Variants in VAV3 observed in about 807,000 individuals in gnomAD.
The protein encoded by VAV3 is guanine nucleotide exchange factor VAV3.
A neutral mutation model predicts 131.2 loss-of-function variants in VAV3; 94 were observed. That is an observed-to-expected ratio of 0.72 (90% CI 0.61 to 0.85). The LOEUF is 0.85. Ranked by LOEUF, VAV3 falls within the 40% of genes least tolerant of loss-of-function variation. The pLI is 0.00. For synonymous variants in VAV3, 349 were observed against 342.0 expected, an observed-to-expected ratio of 1.02 and a Z score of -0.22; for missense variants, 939 against 1,002.7, an observed-to-expected ratio of 0.94 and a Z score of 0.86.
intron 19 of VAV3, among the ~76,000 whole-genome samples, chr1:107,658,689 C>T (rs1656771980): frequency 6.6e-6 from 1 of 152,134 alleles, no homozygotes; most frequent in Non-Finnish European, 1.5e-5. Context: ...TTGTATTTCT[C>T]TGATGGCCAG....
rs1675358390 is a variant in VAV3, at chr1:107,964,907, C to A, written c.-38G>T. Reference sequence around the variant, plus strand: ...CGGGACGCGGCTGGGCCGGGGCGGGCGGCAAGGATGCGGCCGCCGCCGCCG... The same window carrying A: ...CGGGACGCGGCTGGGCCGGGGCGGGAGGCAAGGATGCGGCCGCCGCCGCCG... On this transcript the variant is annotated 5_prime_UTR_variant, in exon 1 of 27. Coordinates refer to ENST00000370056, the MANE Select transcript of VAV3 (RefSeq NM_006113.5). 8 of 1,299,060 alleles carry A rather than the reference C, an allele frequency of 6.2e-6. No individual in the cohort carries two copies. The highest frequency in any genetic ancestry group is 7.9e-6 in the Non-Finnish European group (8 of 1,016,804). 80.5% of individuals were successfully genotyped at this position (1,299,060 alleles called of 1,614,324 possible). A position where few individuals can be genotyped will look rare whatever the true frequency, so the allele number is the denominator to read the frequency against.
At chr1:107,595,224 ATT>A (rs1426314881) in intron 25 of VAV3, among the ~76,000 whole-genome samples, 2 of 152,158 alleles carry the variant, frequency 1.3e-5, no homozygotes, top group African/African-American at 4.8e-5. Flanking sequence ...GAAAACATAT[ATT>A]AAGTTACTTA....
At chr1:107,676,437 G>A (rs1039635273) in intron 19 of VAV3, among the ~76,000 whole-genome samples, 2 of 152,198 alleles carry the variant, frequency 1.3e-5, no homozygotes, top group Non-Finnish European at 1.5e-5. Flanking sequence ...GCCTCCACAT[G>A]AGAAAAACCT....
At chr1:107,806,100 T>C (rs745692965) in intron 2 of VAV3, among the ~76,000 whole-genome samples, 57 of 152,214 alleles carry the variant, frequency 3.7e-4, no homozygotes, top group Admixed American at 1.6e-3. Context: ...ATGGTAGCCC[T>C]GCCTCTGCCT....
At chr1:107,723,038 CTA>C (rs1433615686) in intron 15 of VAV3, among the ~76,000 whole-genome samples, 4 of 152,118 alleles carry the variant, frequency 2.6e-5, no homozygotes, top group African/African-American at 4.8e-5. Context: ...TTTGGCTCCA[CTA>C]TAGACTTCGT....
intron 19 of VAV3, among the ~76,000 whole-genome samples, chr1:107,665,065 G>T (rs1183861765): frequency 6.6e-6 from 1 of 152,186 alleles, no homozygotes; most frequent in Non-Finnish European, 1.5e-5. Context: ...ATGCGCTGAA[G>T]AGTTTAAGTA....
At chr1:107,741,709 T>A (rs1409922066) in intron 15 of VAV3, among the ~76,000 whole-genome samples, 1 of 151,694 alleles carries the variant, frequency 6.6e-6, no homozygotes, top group Non-Finnish European at 1.5e-5. Context: ...GAGAGAGAAA[T>A]ATGAGAATGT....
intron 1 of VAV3, among the ~76,000 whole-genome samples, chr1:107,910,222 A>G (rs917515750): frequency 1.3e-5 from 2 of 152,212 alleles, no homozygotes; most frequent in African/African-American, 4.8e-5. Context: ...GGCCTTACCA[A>G]TACCCAATCT....
chr1:107,858,123 G>C (rs759741004), intron 2 of VAV3, among the ~76,000 whole-genome samples: 10 of 152,090 alleles, frequency 6.6e-5, no homozygotes, highest in Non-Finnish European at 1.3e-4. Flanking sequence ...TCTTAAGTGA[G>C]TTAACCACTC....
chr1:107,869,379 G>A (rs553444008), intron 2 of VAV3, among the ~76,000 whole-genome samples: 44 of 152,066 alleles, frequency 2.9e-4, no homozygotes, highest in African/African-American at 1.0e-3. Flanking sequence ...TTCAAAATTC[G>A]ACACCTATGT....
At chr1:107,706,418 C>T (rs530307603) in intron 15 of VAV3, among the ~76,000 whole-genome samples, 4 of 152,300 alleles carry the variant, frequency 2.6e-5, no homozygotes, top group South Asian at 2.1e-4. Context: ...TGAATATGAG[C>T]GTGCTAAAAA....
intron 19 of VAV3, among the ~76,000 whole-genome samples, chr1:107,669,990 T>C (rs981279680): frequency 2.6e-5 from 4 of 152,176 alleles, no homozygotes; most frequent in African/African-American, 4.8e-5. Context: ...ATGACATGAT[T>C]TTGTATGCCA....
intron 1 of VAV3, among the ~76,000 whole-genome samples, chr1:107,885,302 G>C (rs1463878755): frequency 6.6e-6 from 1 of 151,544 alleles, no homozygotes; most frequent in African/African-American, 2.4e-5. Context: ...TCCTTACCTG[G>C]ATAATACTGC....
chr1:107,878,361 AC>A (rs1395905377), intron 1 of VAV3, among the ~76,000 whole-genome samples: 1 of 152,168 alleles, frequency 6.6e-6, no homozygotes, highest in Non-Finnish European at 1.5e-5. Context: ...CACTTTTAGT[AC>A]TAGGATCCAG....
At chr1:107,605,683 A>C (rs1022806894) in intron 22 of VAV3, among the ~76,000 whole-genome samples, 2 of 152,228 alleles carry the variant, frequency 1.3e-5, no homozygotes, top group African/African-American at 4.8e-5. Context: ...AATGCAGTCG[A>C]AACTTTGCTT....
intron 1 of VAV3, among the ~76,000 whole-genome samples, chr1:107,898,706 T>C (rs1671722240): frequency 6.6e-6 from 1 of 152,198 alleles, no homozygotes; most frequent in South Asian, 2.1e-4. Context: ...TTTAAAAATG[T>C]ATCTCCTATA....
At chr1:107,785,510 A>G in intron 2 of VAV3, 1 of 1,311,750 alleles carries the variant, frequency 7.6e-7, no homozygotes, top group Non-Finnish European at 1.0e-6. Context: ...AGAGCCCCAA[A>G]TGCAAGACGA....
intron 1 of VAV3, among the ~76,000 whole-genome samples, chr1:107,911,407 C>A (rs545350581): frequency 3.3e-5 from 5 of 152,100 alleles, no homozygotes; most frequent in African/African-American, 1.2e-4. Flanking sequence ...AGTAGGTCAC[C>A]CATGTAGTGA....
chr1:107,863,209 CTT>C (rs1669822794), intron 2 of VAV3, among the ~76,000 whole-genome samples: 1 of 152,184 alleles, frequency 6.6e-6, no homozygotes, highest in Non-Finnish European at 1.5e-5. Flanking sequence ...ACTATTCTCT[CTT>C]CTCATCCTCT....
Sources: gnomAD v4.1 joint callset for allele counts (sites outside exome capture counted in the v4.1 genomes callset) on GRCh38, gnomAD v4.1.1 for gene constraint, MANE v1.5 for transcripts, NCBI Gene and HGNC (gene_info 2026-07-23, HGNC 2026-07-21) for gene names.